The following EPC1 variants were observed in gnomAD, a reference collection of about 807,000 sequenced individuals.
EPC1 encodes the protein enhancer of polycomb 1, also known as enhancer of polycomb homolog 1.
EPC1 carries 12 observed loss-of-function variants against 98.4 expected under a neutral mutation model. That is an observed-to-expected ratio of 0.12 (90% CI 0.08 to 0.20). The LOEUF (loss-of-function observed/expected upper bound fraction) is 0.20, where lower values mean the gene tolerates loss of function less well. EPC1 is among the 10% of genes least tolerant of loss of function. The pLI is 1.00. For missense variants in EPC1, 729 were observed against 990.5 expected, an observed-to-expected ratio of 0.74 and a Z score of 3.54; for synonymous variants, 357 against 363.9, an observed-to-expected ratio of 0.98 and a Z score of 0.21.
At chr10:32,368,720 C>T (rs1839668515) in intron 1 of EPC1, among the ~76,000 whole-genome samples, 1 of 152,140 alleles carries the variant, frequency 6.6e-6, no homozygotes, top group Non-Finnish European at 1.5e-5. Context: ...AATCCATACA[C>T]CTGAATGCGG....
chr10:32,309,709 AAAG>A (rs796111170), intron 1 of EPC1, among the ~76,000 whole-genome samples: 112 of 149,614 alleles, frequency 7.5e-4, no homozygotes, highest in East Asian at 4.5e-3. Context: ...AAAAATAAAT[AAAG>A]AAGAAGAACA....
chr10:32,378,507 G>C, exon 1 of EPC1: 1 of 1,543,208 alleles, frequency 6.5e-7, no homozygotes. Flanking sequence ...TGCAGGCAAA[G>C]AAGACGGCAG....
At chr10:32,335,785 C>T (rs1383014611) in intron 1 of EPC1, among the ~76,000 whole-genome samples, 12 of 152,160 alleles carry the variant, frequency 7.9e-5, no homozygotes, top group Admixed American at 7.9e-4. Context: ...TTCCTCTACT[C>T]CATCTCAGCC....
At chr10:32,345,006 A>T in intron 1 of EPC1, 1 of 393,054 alleles carries the variant, frequency 2.5e-6, no homozygotes, top group Non-Finnish European at 3.5e-6. Flanking sequence ...GCTGCTGAAC[A>T]AGAATTACAA....
chr10:32,378,395 CAA>C (rs1322403441), intron 1 of EPC1: 1 of 989,586 alleles, frequency 1.0e-6, no homozygotes, highest in East Asian at 2.9e-5. Context: ...AAGAAAAATA[CAA>C]AGATTGGTTT....
chr10:32,273,537 C>A (rs1415689713), intron 10 of EPC1, among the ~76,000 whole-genome samples: 2 of 151,816 alleles, frequency 1.3e-5, no homozygotes, highest in Non-Finnish European at 2.9e-5. Flanking sequence ...TGCTCACTTC[C>A]CAAATTTCAA....
chr10:32,345,335 A>G (rs1390757726), intron 1 of EPC1: 1 of 985,322 alleles, frequency 1.0e-6, no homozygotes, highest in Non-Finnish European at 1.2e-6. Flanking sequence ...GTAACATTTC[A>G]CTGTCACAGC....
intron 1 of EPC1, among the ~76,000 whole-genome samples, chr10:32,339,533 A>G (rs1413123772): frequency 6.6e-6 from 1 of 152,156 alleles, no homozygotes; most frequent in African/African-American, 2.4e-5. Flanking sequence ...TGACAGAGTG[A>G]ACTCTCTCTC....
At position 32,313,629 on chromosome 10, in the gene EPC1, G is replaced by A. The variant is rs570810105; in HGVS notation, c.154-7698C>T. ...GAACAGGCTGGGCGCGGTGGCTCAC[G>A]CCTGTAATCCCAGCATTTTGGGAGG... On this transcript the variant is annotated intron_variant, in intron 1 of 13. Transcript: ENST00000319778. 4.9e-4 allele frequency among the ~76,000 whole-genome samples: 74 copies of A among 152,304 alleles called. 1 individual carries two copies. Among genetic ancestry groups the A allele is most frequent in the Admixed American group, 3.5e-3 (53 of 15,294 alleles).
upstream of EPC1, chr10:32,347,220 G>T: frequency 8.2e-7 from 1 of 1,226,660 alleles, no homozygotes; most frequent in Non-Finnish European, 1.0e-6. Context: ...CGGGCACGCG[G>T]GCGGGGGGAG....
intron 1 of EPC1, among the ~76,000 whole-genome samples, chr10:32,327,344 T>TACA (rs1188541911): frequency 2.6e-5 from 4 of 152,112 alleles, no homozygotes; most frequent in Non-Finnish European, 4.4e-5. Context: ...GGTCAAGGGG[T>TACA]ACAATTTACA....
intron 9 of EPC1, chr10:32,286,466 T>G: frequency 3.9e-6 from 2 of 514,072 alleles, no homozygotes; most frequent in Non-Finnish European, 6.8e-6. Context: ...GTTTTCCACC[T>G]TGGGGAGAAA....
chr10:32,378,458 G>C, intron 1 of EPC1: 1 of 1,532,134 alleles, frequency 6.5e-7, no homozygotes, highest in Middle Eastern at 1.7e-4. Context: ...CTCTTTCAAA[G>C]ACTGACATAA....
At chr10:32,366,733 G>A (rs1839614893) in intron 1 of EPC1, among the ~76,000 whole-genome samples, 1 of 152,170 alleles carries the variant, frequency 6.6e-6, no homozygotes, top group Non-Finnish European at 1.5e-5. Context: ...CCCACACAGT[G>A]ATCACAGCCT....
intron 1 of EPC1, among the ~76,000 whole-genome samples, chr10:32,327,008 A>C (rs1837322711): frequency 7.1e-6 from 1 of 139,958 alleles, no homozygotes; most frequent in Non-Finnish European, 1.6e-5. Context: ...AAAAAAAAAA[A>C]AAAAAAAAAA....
intron 1 of EPC1, among the ~76,000 whole-genome samples, chr10:32,342,676 A>C (rs1274988933): frequency 2.0e-5 from 3 of 152,144 alleles, no homozygotes; most frequent in South Asian, 2.1e-4. Flanking sequence ...AATTACACCA[A>C]ATCTCCTCCC....
chr10:32,311,082 G>A (rs59907663), intron 1 of EPC1, among the ~76,000 whole-genome samples: 7,782 of 152,126 alleles, frequency 0.051, 628 homozygotes, highest in African/African-American at 0.17. Context: ...AGGCCAAGGC[G>A]GGCGGATCAC....
At chr10:32,344,713 G>C (rs1031458368) in intron 1 of EPC1, among the ~76,000 whole-genome samples, 7 of 152,356 alleles carry the variant, frequency 4.6e-5, no homozygotes, top group Admixed American at 3.3e-4. Context: ...TTGAACTCGG[G>C]AGGCGGAGGG....
At chr10:32,301,740 G>A (rs1306269349) in intron 2 of EPC1, among the ~76,000 whole-genome samples, 2 of 152,144 alleles carry the variant, frequency 1.3e-5, no homozygotes, top group Non-Finnish European at 2.9e-5. Context: ...AAAAAAATGA[G>A]CTTTGATCTA....
Sources: allele counts gnomAD v4.1 joint callset (sites outside exome capture counted in the v4.1 genomes callset), GRCh38; gene constraint gnomAD v4.1.1; transcripts MANE v1.5; gene names NCBI Gene and HGNC (gene_info 2026-07-23, HGNC 2026-07-21).